The following GRHL1 variants were observed in gnomAD, a reference collection of about 807,000 sequenced individuals.
GRHL1 encodes the protein grainyhead-like protein 1 homolog.
In GRHL1, 38 loss-of-function variants were observed where a neutral mutation model predicts 75.7. The ratio of observed to expected loss-of-function variants is 0.50; its 90% confidence interval spans 0.39 to 0.66. GRHL1 has a LOEUF of 0.66. Ranked by LOEUF, GRHL1 falls within the 30% of genes least tolerant of loss-of-function variation. GRHL1 has a pLI of 0.00. For missense variants in GRHL1, 589 were observed against 767.5 expected, an observed-to-expected ratio of 0.77 and a Z score of 2.75; for synonymous variants, 266 against 279.4, an observed-to-expected ratio of 0.95 and a Z score of 0.48.
At chr2:9,979,277 C>T (rs1668097803) in intron 8 of GRHL1, among the ~76,000 whole-genome samples, 1 of 150,906 alleles carries the variant, frequency 6.6e-6, no homozygotes, top group African/African-American at 2.5e-5. Context: ...ACTCTGTTGC[C>T]CAGGCTGGAG....
Position 9,992,912 on chromosome 2 carries a change from G to GC in GRHL1, c.1462-294dup, listed in dbSNP as rs1456722153. ...GGGGCCCCGTGGTCTCCACTGTGCT[G>GC]CTCAGTGCTGCCGAACTAGTGCACA... is the stretch of plus-strand genomic sequence containing the variant. On this transcript the variant is annotated intron_variant, in intron 11 of 15. Transcript: ENST00000324907. This position sits in a 1 kb window ranked among gnomAD's most constrained non-coding sequence, Gnocchi z 4.6. Among the ~76,000 whole-genome samples, 5 of 152,194 alleles carry GC rather than the reference G, an allele frequency of 3.3e-5. No homozygotes were observed. The highest frequency in any genetic ancestry group is 1.2e-4 in the African/African-American group (5 of 41,440).
intron 9 of GRHL1, among the ~76,000 whole-genome samples, chr2:9,989,026 A>G (rs1012860710): frequency 1.3e-5 from 2 of 152,164 alleles, no homozygotes; most frequent in Non-Finnish European, 2.9e-5. Flanking sequence ...GACCCAGACC[A>G]ACTTCATACA....
At chr2:9,993,266 G>T in intron 12 of GRHL1, 22 bp downstream of exon 12, 1 of 1,597,452 alleles carries the variant, frequency 6.3e-7, no homozygotes. Flanking sequence ...GTTTTGTTTT[G>T]TTTTGTTTTA....
intron 1 of GRHL1, among the ~76,000 whole-genome samples, chr2:9,953,389 C>G (rs560624630): frequency 1.3e-5 from 2 of 152,230 alleles, no homozygotes; most frequent in Non-Finnish European, 2.9e-5. Flanking sequence ...GTACTCTGGT[C>G]CTGATGGCTC....
chr2:9,985,840 C>T (rs1668394710), intron 8 of GRHL1, among the ~76,000 whole-genome samples: 1 of 152,186 alleles, frequency 6.6e-6, no homozygotes, highest in Admixed American at 6.5e-5. Flanking sequence ...GCCTCTTCCC[C>T]TGTCCTAGCT....
intron 8 of GRHL1, among the ~76,000 whole-genome samples, chr2:9,982,858 A>C (rs1035841910): frequency 6.6e-6 from 1 of 152,256 alleles, no homozygotes; most frequent in Non-Finnish European, 1.5e-5. Flanking sequence ...TCACCAGTAA[A>C]AACAGTATGG....
chr2:9,992,230 G>A lies in GRHL1; in HGVS notation c.1461+84G>A. ...TCTTTGGCATTATTCATGGGAAACAGAAGCCAAAATTGAGTGAGGTTTGAC... is the reference window on the plus strand; with the variant it reads ...TCTTTGGCATTATTCATGGGAAACAAAAGCCAAAATTGAGTGAGGTTTGAC... On this transcript the variant is annotated intron_variant, in intron 11 of 15. Transcript: ENST00000324907. The surrounding 1 kb of genome is among the most constrained non-coding windows in gnomAD (Gnocchi z 4.6). 2.2e-6 allele frequency: 3 copies of A among 1,360,424 alleles called. No homozygotes were observed. 84.3% of individuals were successfully genotyped at this position (1,360,424 alleles called of 1,614,324 possible). A position where few individuals can be genotyped will look rare whatever the true frequency, so the allele number is the denominator to read the frequency against.
rs1294629107 is a variant in GRHL1, at chr2:9,951,799, C to T, written c.-35C>T. 1 of 1,525,136 alleles carries T rather than the reference C, an allele frequency of 6.6e-7. No homozygotes were observed. Among genetic ancestry groups the T allele is most frequent in the South Asian group, 1.2e-5 (1 of 83,880 alleles). The allele number at this position is 1,525,136 out of a possible 1,614,324, so 94.5% of individuals were successfully genotyped here. The stretch of plus-strand genomic sequence containing the variant: ...GGGTGTACTGTCCCAACCCGAAAGT[C>T]CAGTTCTGCGGCCCGGCAGCGGCGA... On this transcript the variant is annotated 5_prime_UTR_variant, in exon 1 of 16. Coordinates refer to ENST00000324907, the MANE Select transcript of GRHL1 (RefSeq NM_198182.3). This position sits in a 1 kb window ranked among gnomAD's most constrained non-coding sequence, Gnocchi z 4.2.
In GRHL1 at chr2:9,962,462, T is replaced by C; in HGVS notation, c.677T>C (p.Phe226Ser). The change falls in exon 5 of 16, where the codon TTC (phenylalanine) becomes TCC (serine). Residue 226 changes from phenylalanine to serine, a missense_variant. By Grantham distance (155) the Phe-to-Ser change is radical. Transcript: ENST00000324907. Reference protein sequence around the residue: ...TFKEGVQEVFFPSDLSLRMPG... With the variant: ...TFKEGVQEVFSPSDLSLRMPG... ...ATCACATTGATATTTCAGGTTTTCT[T>C]CCCCTCGGATCTCAGTCTGCGGATG... The C allele has an allele frequency of 6.3e-7, 1 of 1,591,008 alleles. No homozygotes were observed. Among genetic ancestry groups the C allele is most frequent in the Non-Finnish European group, 8.6e-7 (1 of 1,158,938 alleles).
Position 9,998,865 on chromosome 2 carries a change from TATATATATGTACACATATATATAC to T in GRHL1, c.1678-91_1678-68del, listed in dbSNP as rs1669126057. 46 of 126,242 alleles carry T rather than the reference TATATATATGTACACATATATATAC, an allele frequency of 3.6e-4. 4 individuals are homozygous for T. The highest frequency in any genetic ancestry group is 8.6e-4 in the East Asian group (5 of 5,838). The allele number at this position is 126,242 out of a possible 1,614,324, so 7.8% of individuals were successfully genotyped here. A position where few individuals can be genotyped will look rare whatever the true frequency, so the allele number is the denominator to read the frequency against. On this transcript the variant is annotated intron_variant, in intron 14 of 15. Coordinates refer to ENST00000324907, the MANE Select transcript of GRHL1 (RefSeq NM_198182.3). The stretch of plus-strand genomic sequence containing the variant: ...ATATATATGTACACATATATATACG[TATATATATGTACACATATATATAC>T]ATATATATATATTTGTTGTTTGGTT...
In GRHL1 at chr2:9,961,026, G is replaced by C; in HGVS notation, c.279-20G>C. ...AACTACATCAGCATCGCGTTTGAAA[G>C]CAGTTTTCTTTTCTTAAAGAAACAG... is the stretch of plus-strand genomic sequence containing the variant. On this transcript the variant is annotated intron_variant, in intron 3 of 15. Transcript: ENST00000324907. The C allele has an allele frequency of 6.6e-7, 1 of 1,518,214 alleles. No homozygotes were observed. Among genetic ancestry groups the C allele is most frequent in the Non-Finnish European group, 8.9e-7 (1 of 1,128,514 alleles). 94.0% of individuals were successfully genotyped at this position (1,518,214 alleles called of 1,614,324 possible).
chr2:9,951,965 G>GCGCGAGC lies in GRHL1; in HGVS notation c.20+115_20+121dup. ...GGCCGCGCGGGCGGGCGGGCGCGGG[G>GCGCGAGC]CGCGAGCCGGGGGCCGCTGTCCACT... On this transcript the variant is annotated intron_variant, in intron 1 of 15. Transcript: ENST00000324907. The surrounding 1 kb of genome is among the most constrained non-coding windows in gnomAD (Gnocchi z 4.2). The GCGCGAGC allele has an allele frequency of 1.9e-6, 1 of 535,940 alleles. No individual in the cohort carries two copies. The highest frequency in any genetic ancestry group is 2.4e-6 in the Non-Finnish European group (1 of 414,270). The allele number at this position is 535,940 out of a possible 1,614,324, so 33.2% of individuals were successfully genotyped here. A position where few individuals can be genotyped will look rare whatever the true frequency, so the allele number is the denominator to read the frequency against.
chr2:9,979,151 C>CAAAAAAAAAAAAAATAAAAAAAA (rs1668084775), intron 8 of GRHL1, among the ~76,000 whole-genome samples: 1 of 60,380 alleles, frequency 1.7e-5, no homozygotes. Context: ...GACTCTCTCT[C>CAAAAAAAAAAAAAATAAAAAAAA]AAAAAAAAAA....
At chr2:9,959,123 G>A (rs540124990) in intron 3 of GRHL1, 15 of 255,956 alleles carry the variant, frequency 5.9e-5, no homozygotes, top group Non-Finnish European at 9.6e-5. Flanking sequence ...AATAACTTCA[G>A]TATTTGCTTA....
chr2:9,951,811 C>T lies in GRHL1; in HGVS notation c.-23C>T, dbSNP rs1572322415. 1 of 1,528,848 alleles carries T rather than the reference C, an allele frequency of 6.5e-7. No individual in the cohort carries two copies. Among genetic ancestry groups the T allele is most frequent in the Non-Finnish European group, 8.8e-7 (1 of 1,136,954 alleles). The allele number at this position is 1,528,848 out of a possible 1,614,324, so 94.7% of individuals were successfully genotyped here. On this transcript the variant is annotated 5_prime_UTR_variant, in exon 1 of 16. Transcript: ENST00000324907. The surrounding 1 kb of genome is among the most constrained non-coding windows in gnomAD (Gnocchi z 4.2). ...CCAACCCGAAAGTCCAGTTCTGCGG[C>T]CCGGCAGCGGCGAGCGGGCGCGATG...
chr2:9,958,186 T>C (rs1321747572), intron 2 of GRHL1, among the ~76,000 whole-genome samples: 1 of 151,110 alleles, frequency 6.6e-6, no homozygotes, highest in Non-Finnish European at 1.5e-5. Context: ...TTTTTTTTTT[T>C]TTTTTGAGTC....
Position 9,951,748 on chromosome 2 carries a change from C to A in GRHL1, c.-86C>A. ...GGCCGCCGCTCCGGACCCGCAGCCG[C>A]CGCCGCCGCCTCCTCCCCCCGGATC... On this transcript the variant is annotated 5_prime_UTR_variant, in exon 1 of 16. Coordinates refer to ENST00000324907, the MANE Select transcript of GRHL1 (RefSeq NM_198182.3). The surrounding 1 kb of genome is among the most constrained non-coding windows in gnomAD (Gnocchi z 4.2). 1 of 1,298,430 alleles carries A rather than the reference C, an allele frequency of 7.7e-7. No individual in the cohort carries two copies. The highest frequency in any genetic ancestry group is 1.0e-6 in the Non-Finnish European group (1 of 957,896). 80.4% of individuals were successfully genotyped at this position (1,298,430 alleles called of 1,614,324 possible). A position where few individuals can be genotyped will look rare whatever the true frequency, so the allele number is the denominator to read the frequency against.
At chr2:9,975,844 C>A (rs750616863) in intron 8 of GRHL1, among the ~76,000 whole-genome samples, 35 of 152,012 alleles carry the variant, frequency 2.3e-4, no homozygotes, top group Non-Finnish European at 7.4e-5. Flanking sequence ...CGAGATTGCA[C>A]CATTGCATTC....
chr2:9,992,248 G>A lies in GRHL1; in HGVS notation c.1461+102G>A. On this transcript the variant is annotated intron_variant, in intron 11 of 15. Coordinates refer to ENST00000324907, the MANE Select transcript of GRHL1 (RefSeq NM_198182.3). The surrounding 1 kb of genome is among the most constrained non-coding windows in gnomAD (Gnocchi z 4.6). Reference sequence around the variant, plus strand: ...GGAAACAGAAGCCAAAATTGAGTGAGGTTTGACCAGTTAGTCAGCTCTTTG... The same window carrying A: ...GGAAACAGAAGCCAAAATTGAGTGAAGTTTGACCAGTTAGTCAGCTCTTTG... The A allele has an allele frequency of 9.6e-7, 1 of 1,041,340 alleles. No homozygotes were observed. The highest frequency in any genetic ancestry group is 1.4e-6 in the Non-Finnish European group (1 of 705,540). The allele number at this position is 1,041,340 out of a possible 1,614,324, so 64.5% of individuals were successfully genotyped here. A position where few individuals can be genotyped will look rare whatever the true frequency, so the allele number is the denominator to read the frequency against.
Sources: allele counts gnomAD v4.1 joint callset (sites outside exome capture counted in the v4.1 genomes callset), GRCh38; gene constraint gnomAD v4.1.1; non-coding constraint Gnocchi (gnomAD v3.1); transcripts MANE v1.5; gene names NCBI Gene and HGNC (gene_info 2026-07-23, HGNC 2026-07-21).